ADAM2: variants seen among roughly 807,000 people sequenced by gnomAD.
ADAM2 encodes the protein ADAM metallopeptidase domain 2.
ADAM2 carries 101 observed loss-of-function variants against 99.3 expected under a neutral mutation model. The ratio of observed to expected loss-of-function variants is 1.02; its 90% CI spans 0.87 to 1.20. The LOEUF (loss-of-function observed/expected upper bound fraction) is 1.20, where lower values mean the gene tolerates loss of function less well. Among genes scored for constraint, ADAM2 ranks in the 50% most tolerant of loss-of-function variants. ADAM2 has a pLI of 0.00. For missense variants in ADAM2, 948 were observed against 878.7 expected, an observed-to-expected ratio of 1.08 and a Z score of -1.00; for synonymous variants, 323 against 287.6, an observed-to-expected ratio of 1.12 and a Z score of -1.25.
Position 39,755,903 on chromosome 8 carries a change from T to A in ADAM2, c.1622A>T (p.Gln541Leu). The A allele has an allele frequency of 6.7e-7, 1 of 1,484,436 alleles. No individual in the cohort carries two copies. Among genetic ancestry groups the A allele is most frequent in the Non-Finnish European group, 9.3e-7 (1 of 1,076,504 alleles). 92.0% of individuals were successfully genotyped at this position (1,484,436 alleles called of 1,614,324 possible). A position where few individuals can be genotyped will look rare whatever the true frequency, so the allele number is the denominator to read the frequency against. Residue 541 changes from glutamine to leucine, a missense_variant, in exon 16 of 21, where the codon CAG becomes CTG. Physicochemically the swap from Gln to Leu is moderately radical, Grantham distance 113. Transcript: ENST00000265708. ...ATATTTACATATTAATTTTCCGCAC[T>A]GCAGATTGCTATAATTTATCCACAA... ...GYTQCEADNLQCGKLICKYVG... is the reference protein window; with the variant it reads ...GYTQCEADNLLCGKLICKYVG...
chr8:39,821,446 T>A, intron 5 of ADAM2, 140 bp downstream of exon 5: 2 of 662,718 alleles, frequency 3.0e-6, no homozygotes, highest in South Asian at 4.4e-5. Context: ...CATAAGTATT[T>A]CCATACCATG....
intron 7 of ADAM2, among the ~76,000 whole-genome samples, chr8:39,798,138 C>T (rs1804047577): frequency 6.6e-6 from 1 of 152,208 alleles, no homozygotes; most frequent in African/African-American, 2.4e-5. Context: ...GGAATGCTTT[C>T]AGTTTTTGCC....
intron 18 of ADAM2, among the ~76,000 whole-genome samples, chr8:39,748,278 C>T (rs1823556351): frequency 6.6e-6 from 1 of 152,108 alleles, no homozygotes; most frequent in South Asian, 2.1e-4. Context: ...ATTGATCAAT[C>T]ATACCACTAA....
chr8:39,751,834 A>G (rs1242786350), intron 16 of ADAM2, among the ~76,000 whole-genome samples: 1 of 151,460 alleles, frequency 6.6e-6, no homozygotes, highest in African/African-American at 2.4e-5. Context: ...AAATCTGTAC[A>G]TACTCTTTTT....
intron 7 of ADAM2, among the ~76,000 whole-genome samples, chr8:39,803,560 G>C (rs946690377): frequency 7.2e-5 from 11 of 152,136 alleles, no homozygotes; most frequent in Admixed American, 6.6e-4. Context: ...CCTTAAAAAA[G>C]GCGACTTTTC....
At chr8:39,804,530 G>A (rs992402865) in intron 7 of ADAM2, among the ~76,000 whole-genome samples, 1 of 152,122 alleles carries the variant, frequency 6.6e-6, no homozygotes. Context: ...GAGTAGAGAA[G>A]AGTAATGTGA....
At chr8:39,761,384 C>A in intron 14 of ADAM2, 103 bp from the exon 15 acceptor site, 1 of 565,602 alleles carries the variant, frequency 1.8e-6, no homozygotes. Context: ...ATTCATTGTA[C>A]AAAATAAGAT....
intron 6 of ADAM2, among the ~76,000 whole-genome samples, chr8:39,817,095 TA>T (rs1409174741): frequency 6.6e-6 from 1 of 151,158 alleles, no homozygotes; most frequent in South Asian, 2.1e-4. Context: ...ACTTGATTAA[TA>T]AAAAAGATGT....
intron 10 of ADAM2, among the ~76,000 whole-genome samples, chr8:39,778,787 A>C (rs1803101785): frequency 6.6e-6 from 1 of 152,142 alleles, no homozygotes; most frequent in African/African-American, 2.4e-5. Flanking sequence ...TGAAGGATTC[A>C]GCTAAATTTC....
At chr8:39,815,014 A>ATT (rs1804881016) in intron 6 of ADAM2, among the ~76,000 whole-genome samples, 1 of 152,054 alleles carries the variant, frequency 6.6e-6, no homozygotes, top group Non-Finnish European at 1.5e-5. Context: ...AGAAAGTTCT[A>ATT]GGGAATTTTT....
intron 6 of ADAM2, among the ~76,000 whole-genome samples, chr8:39,816,788 C>G (rs1804960313): frequency 6.6e-6 from 1 of 152,144 alleles, no homozygotes; most frequent in Admixed American, 6.5e-5. Context: ...AGAATGACTG[C>G]CATGGTTATA....
intron 11 of ADAM2, among the ~76,000 whole-genome samples, chr8:39,776,784 T>C (rs1803006740): frequency 6.6e-6 from 1 of 152,160 alleles, no homozygotes; most frequent in South Asian, 2.1e-4. Context: ...TGTAAAATTA[T>C]ACAAGTAAAC....
intron 18 of ADAM2, among the ~76,000 whole-genome samples, chr8:39,748,327 G>A (rs908006652): frequency 4.6e-5 from 7 of 152,142 alleles, no homozygotes; most frequent in African/African-American, 1.7e-4. Flanking sequence ...TGCTCATTGG[G>A]AAATGGCATG....
intron 9 of ADAM2, among the ~76,000 whole-genome samples, chr8:39,787,630 T>C (rs1169693829): frequency 1.3e-5 from 2 of 151,330 alleles, no homozygotes; most frequent in African/African-American, 4.8e-5. Context: ...GTCTATTAAA[T>C]AGAAAGGAAG....
At chr8:39,824,994 G>A (rs7845026) in intron 3 of ADAM2, 97 bp from the exon 4 acceptor site, 131,317 of 642,642 alleles carry the variant, frequency 0.2, 14,224 homozygotes, top group African/African-American at 0.3. Flanking sequence ...GACACAGAAA[G>A]AGCAAGAGAA....
intron 10 of ADAM2, among the ~76,000 whole-genome samples, chr8:39,784,061 G>A (rs186215139): frequency 6.6e-6 from 1 of 152,302 alleles, no homozygotes; most frequent in African/African-American, 2.4e-5. Flanking sequence ...GGAAGGAGCA[G>A]CATTGGAAGG....
chr8:39,834,565 T>C (rs1805742871), intron 2 of ADAM2, among the ~76,000 whole-genome samples: 1 of 151,780 alleles, frequency 6.6e-6, no homozygotes, highest in Non-Finnish European at 1.5e-5. Context: ...AAACCCCATC[T>C]CTACTAAAAG....
At chr8:39,771,074 C>T (rs946564754) in intron 11 of ADAM2, among the ~76,000 whole-genome samples, 5 of 152,148 alleles carry the variant, frequency 3.3e-5, no homozygotes, top group Admixed American at 6.5e-5. Flanking sequence ...AAAATCAGTG[C>T]GATGTATTCA....
At chr8:39,778,557 G>T (rs529700067) in intron 10 of ADAM2, among the ~76,000 whole-genome samples, 2 of 152,140 alleles carry the variant, frequency 1.3e-5, no homozygotes, top group African/African-American at 4.8e-5. Context: ...TTGTGTGGAG[G>T]TACTGCAAAG....
Sources: allele counts gnomAD v4.1 joint callset (sites outside exome capture counted in the v4.1 genomes callset), GRCh38; gene constraint gnomAD v4.1.1; transcripts MANE v1.5; gene names NCBI Gene and HGNC (gene_info 2026-07-23, HGNC 2026-07-21).